CFAP91: variants seen among roughly 807,000 people sequenced by gnomAD.
CFAP91 encodes the protein cilia- and flagella-associated protein 91.
In CFAP91, 85 loss-of-function variants were observed where a neutral mutation model predicts 95.9. The ratio of observed to expected loss-of-function variants is 0.89; its 90% confidence interval spans 0.74 to 1.06. The LOEUF (loss-of-function observed/expected upper bound fraction) is 1.06. Ranked by LOEUF, CFAP91 falls within the 50% of genes least tolerant of loss-of-function variation. The pLI, the probability that CFAP91 is intolerant of heterozygous loss-of-function variation, is 0.00. For missense variants in CFAP91, 962 were observed against 943.4 expected (o/e 1.02, Z -0.26); for synonymous variants, 335 against 327.5 (o/e 1.02, Z -0.25).
At chr3:119,763,629 A>G (rs183841831) in intron 17 of CFAP91, among the ~76,000 whole-genome samples, 14 of 152,124 alleles carry the variant, frequency 9.2e-5, no homozygotes, top group African/African-American at 3.1e-4. Flanking sequence ...TAAAAAAAAA[A>G]AGAAGGAAAT....
intron 5 of CFAP91, among the ~76,000 whole-genome samples, chr3:119,711,684 C>T (rs7638261): frequency 0.14 from 21,051 of 152,192 alleles, 1,685 homozygotes; most frequent in African/African-American, 0.22. Flanking sequence ...AGTTTCTGAG[C>T]AGTGAGTATA....
At chr3:119,759,998 A>G (rs1346577402) in intron 17 of CFAP91, among the ~76,000 whole-genome samples, 1 of 151,948 alleles carries the variant, frequency 6.6e-6, no homozygotes, top group East Asian at 1.9e-4. Context: ...CCATAAAACA[A>G]TGAACCAGAT....
chr3:119,709,156 G>T (rs2053429764), intron 4 of CFAP91, among the ~76,000 whole-genome samples: 2 of 152,122 alleles, frequency 1.3e-5, no homozygotes, highest in South Asian at 4.1e-4. Context: ...TATTTCATTT[G>T]TGATTTATGC....
chr3:119,706,182 T>C (rs189461058), intron 1 of CFAP91: 69 of 152,384 alleles, frequency 4.5e-4, no homozygotes, highest in African/African-American at 1.4e-3. Flanking sequence ...TGAATATTCT[T>C]CATCACTTTA....
At chr3:119,744,307 T>A in intron 14 of CFAP91, 111 bp downstream of exon 14, 1 of 801,342 alleles carries the variant, frequency 1.2e-6, no homozygotes. Context: ...ATTGAGTTCC[T>A]ACTGTATGCC....
At chr3:119,707,161 T>A in intron 2 of CFAP91, 1 of 548,058 alleles carries the variant, frequency 1.8e-6, no homozygotes, top group Non-Finnish European at 3.2e-6. Flanking sequence ...TCAAGTAGTA[T>A]AAAAGCATAT....
Position 119,733,476 on chromosome 3 carries a change from G to A in CFAP91, c.1314G>A (p.Arg438=), listed in dbSNP as rs777245792. ...CTGGTTTTCTGAAGAGGGCAGCAAG[G>A]TTGGACTATGAGTTGGCAGAGGTTC... is the stretch of plus-strand genomic sequence containing the variant. ...TKAGFLKRAA[R]LDYELAEVHK... Residue 438 remains arginine, a synonymous_variant, in exon 10 of 18, where the codon AGG becomes AGA. Coordinates refer to ENST00000273390, the MANE Select transcript of CFAP91 (RefSeq NM_033364.4). 12 of 1,613,846 alleles carry A rather than the reference G, an allele frequency of 7.4e-6. No homozygotes were observed. The African/African-American group carries it at 1.3e-4, about 18-fold the overall frequency.
At chr3:119,714,197 C>T (rs912191478) in intron 5 of CFAP91, among the ~76,000 whole-genome samples, 5 of 151,482 alleles carry the variant, frequency 3.3e-5, no homozygotes, top group Admixed American at 3.3e-4. Context: ...CCCGTCTCTA[C>T]TAAAAATACA....
At position 119,715,591 on chromosome 3, in the gene CFAP91, C is replaced by G. The variant is rs1424469605; in HGVS notation, c.530C>G (p.Ser177Cys). 6.2e-7 allele frequency: 1 copy of G among 1,614,138 alleles called. No individual in the cohort carries two copies. The highest frequency in any genetic ancestry group is 8.5e-7 in the Non-Finnish European group (1 of 1,179,982). The part of the protein sequence containing the change: ...KAEPYTFPPT[S>C]TKHLSIPSKS... Reference sequence around the variant, plus strand: ...GAACCATACACTTTTCCTCCTACTTCTACTAAGCACCTATCCATCCCTTCA... The same window carrying G: ...GAACCATACACTTTTCCTCCTACTTGTACTAAGCACCTATCCATCCCTTCA... The change falls in exon 6 of 18, where the codon TCT (serine) becomes TGT (cysteine). Residue 177 changes from serine (S) to cysteine (C), a missense_variant. Physicochemically the swap from Ser to Cys is moderately radical, Grantham distance 112 (BLOSUM62 -1). Transcript: ENST00000273390.
intron 17 of CFAP91, among the ~76,000 whole-genome samples, chr3:119,764,226 C>G (rs1406849091): frequency 6.6e-6 from 1 of 152,012 alleles, no homozygotes; most frequent in African/African-American, 2.4e-5. Context: ...CAACTTTTCC[C>G]AAACAATTGT....
intron 7 of CFAP91, 21 bp from the exon 8 acceptor site, chr3:119,730,199 T>C: frequency 6.2e-7 from 1 of 1,609,220 alleles, no homozygotes; most frequent in Admixed American, 1.7e-5. Flanking sequence ...TGCTTCTTTA[T>C]GTTTTGTAAT....
chr3:119,741,877 G>C (rs933300192), intron 13 of CFAP91, among the ~76,000 whole-genome samples: 1 of 152,156 alleles, frequency 6.6e-6, no homozygotes, highest in Non-Finnish European at 1.5e-5. Flanking sequence ...GAACTTTTGG[G>C]GGGTGAGGCA....
In CFAP91 at chr3:119,708,624, T is replaced by G. The variant is rs965848891; in HGVS notation, c.393T>G (p.Val131=). ...CTTCTTTTCAGATGCCTAAAGAAGT[T>G]TATGAAGATCCTGAAGTTACTGGAA... ...TDASFQMPKE[V]YEDPEVTGKN... is the part of the protein sequence containing the mutation. Residue 131 remains valine (V), a synonymous_variant, in exon 4 of 18, where the codon GTT becomes GTG. Transcript: ENST00000273390. 3.1e-6 allele frequency: 5 copies of G among 1,607,552 alleles called. No individual in the cohort carries two copies. Among genetic ancestry groups the G allele is most frequent in the Non-Finnish European group, 4.2e-6 (5 of 1,176,730 alleles).
At position 119,703,112 on chromosome 3, in the gene CFAP91, T is replaced by A; in HGVS notation, c.14T>A (p.Val5Glu). Residue 5 changes from valine (V) to glutamate (E), a missense_variant, in exon 1 of 18, where the codon GTA becomes GAA. By Grantham distance (121) the Val-to-Glu change is moderately radical (BLOSUM62 -2). Transcript: ENST00000273390. ...AGAGGCGGCACCATGAGCCACGCAG[T>A]AACCATCGAGGAGCCCCAGGCCCAG... MSHAVTIEEPQAQPQ... is the reference protein window; with the variant it reads MSHAETIEEPQAQPQ... 6.4e-7 allele frequency: 1 copy of A among 1,559,550 alleles called. No homozygotes were observed. Among genetic ancestry groups the A allele is most frequent in the Non-Finnish European group, 8.7e-7 (1 of 1,151,438 alleles).
At chr3:119,735,697 G>A (rs374206761) in intron 10 of CFAP91, among the ~76,000 whole-genome samples, 3 of 152,238 alleles carry the variant, frequency 2.0e-5, no homozygotes, top group East Asian at 3.9e-4. Context: ...ATCACACTGT[G>A]CCACTTGATG....
At chr3:119,720,026 G>A (rs1487466103) in intron 6 of CFAP91, among the ~76,000 whole-genome samples, 1 of 151,464 alleles carries the variant, frequency 6.6e-6, no homozygotes, top group Admixed American at 6.6e-5. Context: ...AGTGACCCAA[G>A]ATTGCACCAC....
intron 5 of CFAP91, among the ~76,000 whole-genome samples, chr3:119,711,559 C>G (rs898081508): frequency 2.0e-5 from 3 of 152,194 alleles, no homozygotes; most frequent in African/African-American, 7.2e-5. Flanking sequence ...AGATTCCATC[C>G]AAGAGTTAAA....
chr3:119,709,307 T>G (rs1404077572), intron 4 of CFAP91, among the ~76,000 whole-genome samples: 1 of 152,250 alleles, frequency 6.6e-6, no homozygotes, highest in Non-Finnish European at 1.5e-5. Context: ...TCCACATTAT[T>G]ATTTATGAGC....
At chr3:119,719,244 A>T (rs1013275692) in intron 6 of CFAP91, among the ~76,000 whole-genome samples, 1 of 152,242 alleles carries the variant, frequency 6.6e-6, no homozygotes, top group Non-Finnish European at 1.5e-5. Flanking sequence ...ACCAGTCAAA[A>T]CTAAATTAAC....
Sources: allele counts gnomAD v4.1 joint callset (sites outside exome capture counted in the v4.1 genomes callset), GRCh38; gene constraint gnomAD v4.1.1; transcripts MANE v1.5; gene names NCBI Gene and HGNC (gene_info 2026-07-23, HGNC 2026-07-21).